GRIK5: variants seen among roughly 807,000 people sequenced by gnomAD.
GRIK5 encodes glutamate receptor ionotropic, kainate 5.
Under a neutral mutation model 97.4 loss-of-function variants are expected in GRIK5, and 43 were observed. The ratio of observed to expected loss-of-function variants is 0.44; its 90% CI spans 0.35 to 0.57. The LOEUF (loss-of-function observed/expected upper bound fraction) is 0.57, where lower values mean the gene tolerates loss of function less well. Ranked by LOEUF, GRIK5 falls within the 20% of genes least tolerant of loss-of-function variation. The pLI is 0.01. For synonymous variants in GRIK5, 580 were observed against 583.5 expected, an observed-to-expected ratio of 0.99 and a Z score of 0.09; for missense variants, 1,015 against 1,382.0, an observed-to-expected ratio of 0.73 and a Z score of 4.21.
intron 6 of GRIK5, among the ~76,000 whole-genome samples, chr19:42,058,897 G>A (rs1201153051): frequency 6.6e-6 from 1 of 151,796 alleles, no homozygotes; most frequent in Non-Finnish European, 1.5e-5. Flanking sequence ...AATAAAAAAT[G>A]TTTAAAAATC....
chr19:42,042,408 T>A lies in GRIK5; in HGVS notation c.1473+144A>T. On this transcript the variant is annotated intron_variant, in intron 12 of 19. Coordinates refer to ENST00000593562, the MANE Select transcript of GRIK5 (RefSeq NM_002088.5). The surrounding 1 kb of genome is among the most constrained non-coding windows in gnomAD (Gnocchi z 6.9). ...GCACAGGCATACAGCGCAACATCAG[T>A]GAGGTGGTGTCAGGGGCCCTTCATG... 1 of 692,938 alleles carries A rather than the reference T, an allele frequency of 1.4e-6. No individual in the cohort carries two copies. Among genetic ancestry groups the A allele is most frequent in the Non-Finnish European group, 2.4e-6 (1 of 409,382 alleles). 42.9% of individuals were successfully genotyped at this position (692,938 alleles called of 1,614,324 possible). A position where few individuals can be genotyped will look rare whatever the true frequency, so the allele number is the denominator to read the frequency against.
At chr19:42,028,240 G>A (rs926265151) in intron 12 of GRIK5, among the ~76,000 whole-genome samples, 3 of 149,338 alleles carry the variant, frequency 2.0e-5, no homozygotes, top group African/African-American at 7.5e-5. Flanking sequence ...AAATCAGGAA[G>A]AATTTGAATG....
intron 11 of GRIK5, among the ~76,000 whole-genome samples, chr19:42,051,463 T>G (rs941524293): frequency 6.6e-6 from 1 of 152,112 alleles, no homozygotes; most frequent in African/African-American, 2.4e-5. Flanking sequence ...CGCCCCTTCC[T>G]GCTCAACACT....
intron 15 of GRIK5, among the ~76,000 whole-genome samples, chr19:42,016,548 A>G (rs1278041941): frequency 1.3e-5 from 2 of 152,228 alleles, no homozygotes; most frequent in Non-Finnish European, 2.9e-5. Flanking sequence ...GCCACTCACT[A>G]AGGCAGCAGA....
At chr19:42,012,249 T>A (rs1270255914) in intron 15 of GRIK5, among the ~76,000 whole-genome samples, 1 of 151,870 alleles carries the variant, frequency 6.6e-6, no homozygotes, top group Admixed American at 6.6e-5. Context: ...TATGTATGTA[T>A]GTATGTATTT....
chr19:42,015,467 G>A (rs1176097160), intron 15 of GRIK5, among the ~76,000 whole-genome samples: 3 of 152,176 alleles, frequency 2.0e-5, no homozygotes, highest in African/African-American at 7.2e-5. Context: ...TGACCACGAT[G>A]GAGCTAAATT....
In GRIK5 at chr19:42,021,806, C is replaced by T; in HGVS notation, c.1697+141G>A. 1.6e-6 allele frequency: 1 copy of T among 633,862 alleles called. No individual in the cohort carries two copies. Among genetic ancestry groups the T allele is most frequent in the Non-Finnish European group, 2.8e-6 (1 of 351,026 alleles). 39.3% of individuals were successfully genotyped at this position (633,862 alleles called of 1,614,324 possible). A position where few individuals can be genotyped will look rare whatever the true frequency, so the allele number is the denominator to read the frequency against. ...TGAGACTCAGACACAGGGCACAAAA[C>T]TGAGAAAGGAGGGCACAGGGAATCC... On this transcript the variant is annotated intron_variant, in intron 14 of 19. Transcript: ENST00000593562. The surrounding 1 kb of genome is among the most constrained non-coding windows in gnomAD (Gnocchi z 4.2).
Position 42,002,252 on chromosome 19 carries a change from A to T in GRIK5, c.2514+1080T>A. On this transcript the variant is annotated intron_variant, in intron 19 of 19. Transcript: ENST00000593562. The surrounding 1 kb of genome is among the most constrained non-coding windows in gnomAD (Gnocchi z 5.2). ...TCAGGGAGACCCCCCACTGCTGCCA[A>T]GGCTGTAAAGAGAAGGGAAGAAAGT... 1 of 717,674 alleles carries T rather than the reference A, an allele frequency of 1.4e-6. No homozygotes were observed. Among genetic ancestry groups the T allele is most frequent in the Non-Finnish European group, 2.6e-6 (1 of 385,124 alleles). 44.5% of individuals were successfully genotyped at this position (717,674 alleles called of 1,614,324 possible).
chr19:42,034,760 G>A (rs1454041500), intron 12 of GRIK5, among the ~76,000 whole-genome samples: 1 of 150,604 alleles, frequency 6.6e-6, no homozygotes, highest in Non-Finnish European at 1.5e-5. Flanking sequence ...CAGCATCCAC[G>A]CACCAGACAC....
intron 15 of GRIK5, among the ~76,000 whole-genome samples, chr19:42,014,333 G>A (rs980141924): frequency 6.6e-6 from 1 of 151,952 alleles, no homozygotes; most frequent in Non-Finnish European, 1.5e-5. Flanking sequence ...GGCAGAGGTT[G>A]CAGTGAGCTG....
At chr19:42,063,211 G>A (rs1240400367) in intron 3 of GRIK5, 11 of 468,552 alleles carry the variant, frequency 2.3e-5, no homozygotes, top group African/African-American at 3.9e-5. Flanking sequence ...CACAACCCAC[G>A]GTGCACTCAC....
At chr19:42,055,098 C>T (rs868668447) in intron 8 of GRIK5, among the ~76,000 whole-genome samples, 3 of 152,192 alleles carry the variant, frequency 2.0e-5, no homozygotes, top group African/African-American at 4.8e-5. Flanking sequence ...TACGGGGCTC[C>T]GGTGACATAA....
At chr19:42,015,719 C>T (rs2075616119) in intron 15 of GRIK5, among the ~76,000 whole-genome samples, 1 of 152,106 alleles carries the variant, frequency 6.6e-6, no homozygotes, top group Non-Finnish European at 1.5e-5. Context: ...AGAATAGGCT[C>T]CCACCAGCCT....
chr19:42,011,745 G>A (rs2075565317), intron 15 of GRIK5, among the ~76,000 whole-genome samples: 1 of 152,070 alleles, frequency 6.6e-6, no homozygotes, highest in East Asian at 1.9e-4. Flanking sequence ...GGCCAAGGTG[G>A]GCAAATTGCT....
At chr19:42,038,404 G>A (rs1299550029) in intron 12 of GRIK5, among the ~76,000 whole-genome samples, 2 of 152,382 alleles carry the variant, frequency 1.3e-5, no homozygotes, top group East Asian at 1.9e-4. Context: ...GGGCCACCCT[G>A]ATGGGGTGCC....
At chr19:42,040,658 A>G (rs534995806) in intron 12 of GRIK5, among the ~76,000 whole-genome samples, 1 of 152,184 alleles carries the variant, frequency 6.6e-6, no homozygotes, top group South Asian at 2.1e-4. Flanking sequence ...GGAGTTCAAG[A>G]CCAGCCTGGC....
intron 9 of GRIK5, among the ~76,000 whole-genome samples, 165 bp from the exon 10 acceptor site, chr19:42,054,094 G>T (rs751951197): frequency 6.6e-6 from 1 of 152,100 alleles, no homozygotes; most frequent in South Asian, 2.1e-4. Flanking sequence ...AAGATAACAT[G>T]CAAGGAAGCA....
At chr19:42,066,117 G>T (rs2076328000) in intron 1 of GRIK5, among the ~76,000 whole-genome samples, 1 of 152,132 alleles carries the variant, frequency 6.6e-6, no homozygotes, top group Admixed American at 6.5e-5. Context: ...GGCGTGCGAG[G>T]TTCTCAGGTA....
At chr19:42,033,177 G>C (rs2075859320) in intron 12 of GRIK5, among the ~76,000 whole-genome samples, 1 of 152,066 alleles carries the variant, frequency 6.6e-6, no homozygotes, top group Admixed American at 6.6e-5. Flanking sequence ...AATTAGCCGG[G>C]TGTGGTGGCG....
Sources: gnomAD v4.1 joint callset for allele counts (sites outside exome capture counted in the v4.1 genomes callset) on GRCh38, gnomAD v4.1.1 for gene constraint, Gnocchi (gnomAD v3.1) non-coding constraint, MANE v1.5 for transcripts, NCBI Gene and HGNC (gene_info 2026-07-23, HGNC 2026-07-21) for gene names.